The following TSPAN9 variants were observed in gnomAD, a reference collection of about 807,000 sequenced individuals.
TSPAN9 encodes tetraspanin-9.
TSPAN9 carries 16 observed loss-of-function variants against 31.0 expected under a neutral mutation model. That is an observed-to-expected ratio of 0.52 (90% CI 0.35 to 0.78). TSPAN9 has a LOEUF of 0.78. TSPAN9 is among the 30% of genes least tolerant of loss of function. The probability of loss-of-function intolerance (pLI) is 0.01; values close to 1 mark genes in which losing one functional copy is unlikely to be tolerated. For synonymous variants in TSPAN9, 145 were observed against 121.6 expected (o/e 1.19, Z -1.27); for missense variants, 272 against 312.5 (o/e 0.87, Z 0.98).
At chr12:3,282,091 C>A (rs1240558798) in intron 8 of TSPAN9, 2 of 648,080 alleles carry the variant, frequency 3.1e-6, no homozygotes, top group East Asian at 2.7e-5. Context: ...TGGGTTCCCC[C>A]AGTTCTGCCC....
intron 2 of TSPAN9, among the ~76,000 whole-genome samples, chr12:3,097,839 A>G (rs1295755986): frequency 1.3e-5 from 2 of 152,192 alleles, no homozygotes; most frequent in Non-Finnish European, 2.9e-5. Flanking sequence ...TCTGATCTCA[A>G]ATGACTGGGG....
At chr12:3,195,620 T>C (rs2153972401) in intron 2 of TSPAN9, among the ~76,000 whole-genome samples, 1 of 152,282 alleles carries the variant, frequency 6.6e-6, no homozygotes, top group African/African-American at 2.4e-5. Context: ...TCTAAGGAAC[T>C]GAGGCAGCCA....
intron 3 of TSPAN9, among the ~76,000 whole-genome samples, chr12:3,223,248 G>A (rs760022516): frequency 1.3e-5 from 2 of 152,214 alleles, no homozygotes; most frequent in Non-Finnish European, 2.9e-5. Context: ...GTCATCCTTG[G>A]AACAAACACG....
rs577575938 is a variant in TSPAN9 at position 3,119,789 on chromosome 12, G to T, written c.-18+36070G>T. Among the ~76,000 whole-genome samples, 27 of 152,314 alleles carry T rather than the reference G, an allele frequency of 1.8e-4. 1 individual carries two copies. The South Asian group carries it at 5.6e-3, about 32-fold the overall frequency. On this transcript the variant is annotated intron_variant, in intron 2 of 8. Transcript: ENST00000011898. ...TGGGTGACTTTGGGCTTTTGCTCCT[G>T]TGGGGAGGTGTTGGCTCTTCCCAGG...
intron 2 of TSPAN9, among the ~76,000 whole-genome samples, chr12:3,169,760 A>G (rs762083459): frequency 3.3e-5 from 5 of 152,162 alleles, no homozygotes; most frequent in Non-Finnish European, 7.3e-5. Flanking sequence ...TGGAAGACTT[A>G]TCAAGGAGGC....
At chr12:3,162,312 C>T (rs1163481896) in intron 2 of TSPAN9, among the ~76,000 whole-genome samples, 2 of 152,220 alleles carry the variant, frequency 1.3e-5, no homozygotes, top group African/African-American at 4.8e-5. Context: ...GATCAATCAT[C>T]CAGCTTCAGG....
At chr12:3,204,220 G>A (rs944378215) in intron 3 of TSPAN9, among the ~76,000 whole-genome samples, 6 of 152,162 alleles carry the variant, frequency 3.9e-5, no homozygotes, top group South Asian at 4.1e-4. Context: ...CATAGATCCC[G>A]GAGCCTACCA....
chr12:3,278,407 T>C lies in TSPAN9; in HGVS notation c.64-14T>C, dbSNP rs774650881. On this transcript the variant is annotated splice_polypyrimidine_tract_variant and intron_variant, in intron 3 of 8. Transcript: ENST00000011898. Reference sequence around the variant, plus strand: ...AGAGCAGCGCCAGGCTAATGGGCTTTCCTTCCTTTCCAGCTCTGTGGCTGT... The same window carrying C: ...AGAGCAGCGCCAGGCTAATGGGCTTCCCTTCCTTTCCAGCTCTGTGGCTGT... 15 of 1,613,810 alleles carry C rather than the reference T, an allele frequency of 9.3e-6. No homozygotes were observed. The highest frequency in any genetic ancestry group is 1.2e-5 in the Non-Finnish European group (14 of 1,179,814).
rs1476351615 is a variant in TSPAN9 at position 3,172,834 on chromosome 12, T to C, written c.-17-28343T>C. 1 of 152,206 alleles carries C rather than the reference T, an allele frequency of 6.6e-6. No homozygotes were observed. The highest frequency in any genetic ancestry group is 6.5e-5 in the Admixed American group (1 of 15,278). 9.4% of individuals were successfully genotyped at this position (152,206 alleles called of 1,614,324 possible). ...GCAGGGAATACCAAGCACGTAGGCATGGAAAGGTAACTAACCGCACGCGGC... is the reference window on the plus strand; with the variant it reads ...GCAGGGAATACCAAGCACGTAGGCACGGAAAGGTAACTAACCGCACGCGGC... On this transcript the variant is annotated intron_variant, in intron 2 of 8. Transcript: ENST00000011898. This position sits in a 1 kb window ranked among gnomAD's most constrained non-coding sequence, Gnocchi z 4.8.
intron 2 of TSPAN9, among the ~76,000 whole-genome samples, chr12:3,148,078 A>G (rs2098338136): frequency 6.6e-6 from 1 of 152,168 alleles, no homozygotes; most frequent in South Asian, 2.1e-4. Context: ...AATTTTGAGC[A>G]GTGATTCCTT....
At chr12:3,084,666 A>G (rs932130544) in intron 2 of TSPAN9, among the ~76,000 whole-genome samples, 5 of 152,350 alleles carry the variant, frequency 3.3e-5, no homozygotes, top group Admixed American at 1.3e-4. Context: ...AATGTCCACA[A>G]CCAATTTAAC....
chr12:3,274,611 T>C (rs2153980410), intron 3 of TSPAN9, among the ~76,000 whole-genome samples: 1 of 152,280 alleles, frequency 6.6e-6, no homozygotes, highest in African/African-American at 2.4e-5. Context: ...GAAACCAAGG[T>C]TTTGTCCCAG....
At chr12:3,235,976 G>C (rs548349423) in intron 3 of TSPAN9, among the ~76,000 whole-genome samples, 3 of 152,250 alleles carry the variant, frequency 2.0e-5, no homozygotes, top group African/African-American at 7.2e-5. Context: ...ACCTGCTGCC[G>C]CTGGGGCGGC....
At chr12:3,266,293 G>A (rs1262794163) in intron 3 of TSPAN9, among the ~76,000 whole-genome samples, 3 of 152,172 alleles carry the variant, frequency 2.0e-5, no homozygotes, top group South Asian at 2.1e-4. Context: ...ACTGAACCTC[G>A]CTATGCTTGT....
In TSPAN9 at chr12:3,192,252, G is replaced by A. The variant is rs1281401204; in HGVS notation, c.-17-8925G>A. Among the ~76,000 whole-genome samples, 1 of 152,204 alleles carries A rather than the reference G, an allele frequency of 6.6e-6. No homozygotes were observed. The highest frequency in any genetic ancestry group is 1.9e-4 in the East Asian group (1 of 5,186). On this transcript the variant is annotated intron_variant, in intron 2 of 8. Coordinates refer to ENST00000011898, the MANE Select transcript of TSPAN9 (RefSeq NM_006675.5). The surrounding 1 kb of genome is among the most constrained non-coding windows in gnomAD (Gnocchi z 4.6). ...AATTGTAATCCAAGTAAGATGGGAAGCCACTGATGAGGTTACAGTGGAGAG... is the reference window on the plus strand; with the variant it reads ...AATTGTAATCCAAGTAAGATGGGAAACCACTGATGAGGTTACAGTGGAGAG...
At chr12:3,199,098 C>T (rs1261056581) in intron 2 of TSPAN9, among the ~76,000 whole-genome samples, 6 of 152,192 alleles carry the variant, frequency 3.9e-5, no homozygotes, top group African/African-American at 9.7e-5. Context: ...TCTGTTTCTT[C>T]GAGGGCCTGG....
chr12:3,111,112 C>A (rs1417361328), intron 2 of TSPAN9, among the ~76,000 whole-genome samples: 2 of 152,208 alleles, frequency 1.3e-5, no homozygotes, highest in Non-Finnish European at 2.9e-5. Context: ...TGTCCTCTCT[C>A]ATTTGTGGCA....
chr12:3,113,843 C>T (rs1043895174), intron 2 of TSPAN9, among the ~76,000 whole-genome samples: 25 of 152,222 alleles, frequency 1.6e-4, no homozygotes, highest in Middle Eastern at 3.2e-3. Flanking sequence ...CCCTCCATGT[C>T]CCCAGGTCCA....
chr12:3,081,286 A>G (rs887959375), intron 1 of TSPAN9, among the ~76,000 whole-genome samples: 4 of 152,196 alleles, frequency 2.6e-5, no homozygotes, highest in Non-Finnish European at 4.4e-5. Flanking sequence ...TGTCATCCTC[A>G]CTGACTAAGA....
Sources: gnomAD v4.1 joint callset for allele counts (sites outside exome capture counted in the v4.1 genomes callset) on GRCh38, gnomAD v4.1.1 for gene constraint, Gnocchi (gnomAD v3.1) non-coding constraint, MANE v1.5 for transcripts, NCBI Gene and HGNC (gene_info 2026-07-23, HGNC 2026-07-21) for gene names.